LRGUK: variants seen among roughly 807,000 people sequenced by gnomAD.
LRGUK encodes leucine rich repeats and guanylate kinase domain containing.
A neutral mutation model predicts 76.0 loss-of-function variants in LRGUK; 65 were observed. The observed-to-expected ratio is 0.85, with a 90% confidence interval of 0.70 to 1.05. LRGUK has a LOEUF of 1.05. LRGUK is among the 50% of genes least tolerant of loss of function. The probability of loss-of-function intolerance (pLI) is 0.00; values close to 1 mark genes in which losing one functional copy is unlikely to be tolerated. For synonymous variants in LRGUK, 268 were observed against 265.6 expected (o/e 1.01, Z -0.09); for missense variants, 758 against 732.8 (o/e 1.03, Z -0.40).
chr7:134,216,486 A>T (rs1801439641), intron 15 of LRGUK, among the ~76,000 whole-genome samples: 1 of 152,212 alleles, frequency 6.6e-6, no homozygotes, highest in Non-Finnish European at 1.5e-5. Flanking sequence ...TGGAGAAGTG[A>T]GTAGGGAAAC....
intron 5 of LRGUK, 129 bp from the exon 6 acceptor site, chr7:134,157,906 A>G: frequency 4.8e-6 from 3 of 625,740 alleles, no homozygotes; most frequent in Middle Eastern, 3.9e-4. Flanking sequence ...TACTCATCCT[A>G]TATTGGGCAT....
chr7:134,127,650 A>G (rs1797066896), exon 1 of LRGUK: 2 of 1,613,268 alleles, frequency 1.2e-6, no homozygotes, highest in African/African-American at 2.7e-5. Context: ...AGAGTCCGAA[A>G]TGCTGAATTT....
chr7:134,207,197 T>C (rs1225867299), intron 15 of LRGUK, among the ~76,000 whole-genome samples: 1 of 152,220 alleles, frequency 6.6e-6, no homozygotes, highest in African/African-American at 2.4e-5. Context: ...GTTTTAACCA[T>C]TGTAAGTATA....
intron 16 of LRGUK, among the ~76,000 whole-genome samples, chr7:134,230,791 C>T (rs573542227): frequency 6.6e-6 from 1 of 152,208 alleles, no homozygotes; most frequent in African/African-American, 2.4e-5. Flanking sequence ...CAATATTAAA[C>T]CACAGTATTT....
chr7:134,209,990 G>A (rs1464747573), exon 16 of LRGUK: 2 of 399,520 alleles, frequency 5.0e-6, no homozygotes, highest in Admixed American at 8.8e-5. Context: ...GGAAAGGAAA[G>A]CTCCCCAAGC....
chr7:134,252,545 C>T (rs910618770), intron 18 of LRGUK, among the ~76,000 whole-genome samples: 1 of 152,104 alleles, frequency 6.6e-6, no homozygotes, highest in East Asian at 1.9e-4. Context: ...TAAGCAGAAT[C>T]CTTAGGGTGC....
At position 134,127,570 on chromosome 7, in the gene LRGUK, G is replaced by A. The variant is rs779500830; in HGVS notation, c.203G>A (p.Arg68His). Residue 68 changes from arginine to histidine, a missense_variant, in exon 1 of 16, where the codon CGC becomes CAC. Transcript: ENST00000645682. ...TACCTGCTCCAGCAGCTCATGCACC[G>A]CTATCAGGAGCTGGACTCGGACGGA... is the stretch of plus-strand genomic sequence containing the variant. The A allele has an allele frequency of 5.6e-6, 9 of 1,614,040 alleles. No individual in the cohort carries two copies. The highest frequency in any genetic ancestry group is 7.6e-6 in the Non-Finnish European group (9 of 1,180,028).
chr7:134,137,327 A>G (rs1797579731), intron 2 of LRGUK, among the ~76,000 whole-genome samples, 197 bp downstream of exon 2: 1 of 152,084 alleles, frequency 6.6e-6, no homozygotes, highest in South Asian at 2.1e-4. Flanking sequence ...CAGCCCCCCA[A>G]ATTTCTTAGT....
downstream of LRGUK, among the ~76,000 whole-genome samples, chr7:134,214,552 CATT>C (rs1195801507): frequency 6.6e-6 from 1 of 151,952 alleles, no homozygotes; most frequent in Non-Finnish European, 1.5e-5. Flanking sequence ...ATTATGTTGT[CATT>C]ATAATCATGT....
chr7:134,148,929 T>C (rs910870304), intron 5 of LRGUK, among the ~76,000 whole-genome samples: 2 of 151,318 alleles, frequency 1.3e-5, no homozygotes, highest in African/African-American at 4.9e-5. Flanking sequence ...AAAAAAAAAA[T>C]TAACTCCTTT....
chr7:134,228,549 A>G (rs1801816797), intron 16 of LRGUK, among the ~76,000 whole-genome samples: 1 of 152,174 alleles, frequency 6.6e-6, no homozygotes, highest in Non-Finnish European at 1.5e-5. Flanking sequence ...GAATGAAGGG[A>G]AAAAATATAA....
chr7:134,248,884 T>A lies in LRGUK; in HGVS notation c.2073-67T>A. 2.4e-6 allele frequency: 3 copies of A among 1,262,716 alleles called. No homozygotes were observed. In the South Asian group the frequency reaches 7.6e-5, roughly 32 times the overall value. 78.2% of individuals were successfully genotyped at this position (1,262,716 alleles called of 1,614,324 possible). A position where few individuals can be genotyped will look rare whatever the true frequency, so the allele number is the denominator to read the frequency against. ...TTTATCTGGGATATTTAGGTATACA[T>A]GTGTGTACACTTGGTATCTTTACAA... On this transcript the variant is annotated intron_variant, in intron 17 of 19. Coordinates refer to the LRGUK transcript ENST00000285928.
At chr7:134,173,877 G>C (rs931297703) in intron 7 of LRGUK, among the ~76,000 whole-genome samples, 24 of 152,178 alleles carry the variant, frequency 1.6e-4, no homozygotes, top group Non-Finnish European at 2.8e-4. Flanking sequence ...TTGGGAGGCT[G>C]TGGCAGGCGG....
At chr7:134,254,923 C>G (rs1802538940) in intron 18 of LRGUK, among the ~76,000 whole-genome samples, 1 of 152,118 alleles carries the variant, frequency 6.6e-6, no homozygotes, top group Non-Finnish European at 1.5e-5. Flanking sequence ...TTACACAAAA[C>G]AAAAAGAGCC....
At position 134,156,050 on chromosome 7, in the gene LRGUK, A is replaced by G. The variant is rs112974950; in HGVS notation, c.671-1985A>G. ...ATAGACATTGCAAAATTGCCTCTAA[A>G]GTGGCTATATCATAATGAACTCTCT... On this transcript the variant is annotated intron_variant, in intron 5 of 15. Transcript: ENST00000645682. Among the ~76,000 whole-genome samples the G allele has an allele frequency of 8.5e-5, 13 of 152,330 alleles. 1 individual carries two copies. The highest frequency in any genetic ancestry group is 3.1e-4 in the African/African-American group (13 of 41,576).
intron 12 of LRGUK, among the ~76,000 whole-genome samples, chr7:134,194,265 T>A (rs775127255): frequency 1.1e-4 from 17 of 152,090 alleles, no homozygotes; most frequent in Non-Finnish European, 1.9e-4. Flanking sequence ...CAACTCTACA[T>A]CTCTACATCT....
At chr7:134,229,376 ATCTATCT>A (rs1435488357) in intron 16 of LRGUK, among the ~76,000 whole-genome samples, 2 of 42,966 alleles carry the variant, frequency 4.7e-5, no homozygotes, top group African/African-American at 1.9e-4. Flanking sequence ...AAAAAAAAAA[ATCTATCT>A]ATCTATCTAT....
At chr7:134,227,401 T>G (rs553692719) in intron 16 of LRGUK, among the ~76,000 whole-genome samples, 1 of 152,282 alleles carries the variant, frequency 6.6e-6, no homozygotes, top group East Asian at 1.9e-4. Flanking sequence ...TGAAATTATA[T>G]TCAAAAGATC....
At chr7:134,268,747 T>TTTTTGTTA (rs1802907036), downstream of LRGUK, among the ~76,000 whole-genome samples, 1 of 111,970 alleles carries the variant, frequency 8.9e-6, no homozygotes, top group African/African-American at 3.8e-5. Context: ...TTTTTTTTTT[T>TTTTTGTTA]GAGACAGAGT....
Sources: allele counts gnomAD v4.1 joint callset (sites outside exome capture counted in the v4.1 genomes callset), GRCh38; gene constraint gnomAD v4.1.1; transcripts MANE v1.5; gene names NCBI Gene and HGNC (gene_info 2026-07-23, HGNC 2026-07-21).